The following SENP1 variants were observed in gnomAD, a reference collection of about 807,000 sequenced individuals.
SENP1 encodes the protein sentrin-specific protease 1.
Under a neutral mutation model 93.0 loss-of-function variants are expected in SENP1, and 21 were observed. That is an observed-to-expected ratio of 0.23 (90% confidence interval 0.16 to 0.33). SENP1 has a LOEUF of 0.33. Ranked by LOEUF, SENP1 falls within the 10% of genes least tolerant of loss-of-function variation. The pLI, the probability that SENP1 is intolerant of heterozygous loss-of-function variation, is 1.00. For synonymous variants in SENP1, 256 were observed against 259.6 expected (o/e 0.99, Z 0.13); for missense variants, 591 against 758.7 (o/e 0.78, Z 2.60).
chr12:48,076,253 G>T (rs1206819902), intron 6 of SENP1, among the ~76,000 whole-genome samples: 4 of 152,158 alleles, frequency 2.6e-5, no homozygotes, highest in African/African-American at 9.7e-5. Flanking sequence ...GTGATATTTC[G>T]ATATGTGCTG....
chr12:48,059,713 T>C (rs903455395), intron 13 of SENP1, among the ~76,000 whole-genome samples: 2 of 151,158 alleles, frequency 1.3e-5, no homozygotes, highest in African/African-American at 4.8e-5. Context: ...TTAAACATTG[T>C]TGGCTTTTCT....
In SENP1 at chr12:48,083,627, C is replaced by A; in HGVS notation, c.516G>T (p.Lys172Asn). 1 of 1,613,744 alleles carries A rather than the reference C, an allele frequency of 6.2e-7. No homozygotes were observed. The highest frequency in any genetic ancestry group is 8.5e-7 in the Non-Finnish European group (1 of 1,179,810). The part of the protein sequence containing the change: ...GSCRRSLLSP[K>N]KTQRRHVSTA... The stretch of plus-strand genomic sequence containing the variant: ...TACTAACATGTCGCCTCTGAGTTTT[C>A]TTGGGGCTCAAAAGACTTCGACGAC... The change falls in exon 6 of 18, where the codon AAG (lysine) becomes AAT (asparagine). Residue 172 changes from lysine (K) to asparagine (N), a missense_variant. Coordinates refer to ENST00000549518, the MANE Select transcript of SENP1 (RefSeq NM_001267594.2).
intron 2 of SENP1, among the ~76,000 whole-genome samples, chr12:48,100,639 GAA>G (rs1945859010): frequency 7.2e-6 from 1 of 138,054 alleles, no homozygotes; most frequent in Admixed American, 7.2e-5. Context: ...CGTCTCAAAA[GAA>G]AAAAGAGAAA....
rs1484399778 is a variant in SENP1, at chr12:48,071,862, G to A, written c.941-141C>T. On this transcript the variant is annotated intron_variant, in intron 8 of 17. Transcript: ENST00000549518. The stretch of plus-strand genomic sequence containing the variant: ...AAGAACAAAGGTTAGATGGGAGAGA[G>A]AGAGAGGCAAGTCCATTGTCACTGA... 5.4e-6 allele frequency: 3 copies of A among 552,274 alleles called. No homozygotes were observed. In the African/African-American group the frequency reaches 5.7e-5, roughly 11 times the overall value. 34.2% of individuals were successfully genotyped at this position (552,274 alleles called of 1,614,324 possible).
At chr12:48,046,531 T>C (rs1259997800) in intron 16 of SENP1, 80 bp from the exon 17 acceptor site, 3 of 1,004,604 alleles carry the variant, frequency 3.0e-6, no homozygotes, top group Admixed American at 3.5e-5. Flanking sequence ...CCAAAAGATA[T>C]AAATTGTACA....
chr12:48,089,215 A>G lies in SENP1; in HGVS notation c.221-255T>C, dbSNP rs1216792285. 3 of 1,477,868 alleles carry G rather than the reference A, an allele frequency of 2.0e-6. No homozygotes were observed. The South Asian group carries it at 3.4e-5, about 17-fold the overall frequency. The allele number at this position is 1,477,868 out of a possible 1,614,324, so 91.5% of individuals were successfully genotyped here. A position where few individuals can be genotyped will look rare whatever the true frequency, so the allele number is the denominator to read the frequency against. On this transcript the variant is annotated intron_variant, in intron 4 of 17. Coordinates refer to ENST00000549518, the MANE Select transcript of SENP1 (RefSeq NM_001267594.2). The stretch of plus-strand genomic sequence containing the variant: ...TGCCACAGCCATGTGCCTTATCTGC[A>G]TCAATGTGACTCCGTGGTGTCCACC...
chr12:48,079,200 C>CTGAA (rs1246632064), intron 6 of SENP1, among the ~76,000 whole-genome samples: 1 of 151,574 alleles, frequency 6.6e-6, no homozygotes, highest in Non-Finnish European at 1.5e-5. Flanking sequence ...CTGTTCTTTA[C>CTGAA]TGAATAAGAA....
At chr12:48,063,355 C>A (rs572892700) in intron 13 of SENP1, among the ~76,000 whole-genome samples, 1 of 152,226 alleles carries the variant, frequency 6.6e-6, no homozygotes, top group East Asian at 1.9e-4. Context: ...CCACAGTATT[C>A]CCTCATGCTG....
At chr12:48,061,192 A>C (rs1374833570) in intron 13 of SENP1, among the ~76,000 whole-genome samples, 2 of 152,172 alleles carry the variant, frequency 1.3e-5, no homozygotes, top group Non-Finnish European at 2.9e-5. Flanking sequence ...TAACTCTGAA[A>C]GCCTACAAAG....
At chr12:48,096,452 TA>T in intron 3 of SENP1, 25 bp from the exon 4 acceptor site, 1 of 1,505,178 alleles carries the variant, frequency 6.6e-7, no homozygotes, top group Non-Finnish European at 9.1e-7. Context: ...AGATTTTTCT[TA>T]AGTCACATTT....
rs10564674 is a variant in SENP1, at chr12:48,069,152, C to CAAAA, written c.996-2191_996-2188dup. 5.7e-3 allele frequency among the ~76,000 whole-genome samples: 438 copies of CAAAA among 76,358 alleles called. 2 individuals carry two copies. The highest frequency in any genetic ancestry group is 0.011 in the African/African-American group (190 of 17,734). 50.1% of individuals were successfully genotyped at this position (76,358 alleles called of 152,430 possible). A position where few individuals can be genotyped will look rare whatever the true frequency, so the allele number is the denominator to read the frequency against. ...TGGATGATAGAGCAAGACTCTGTCACAAAAAAAAAAAAAAAAAAAAAAAAA... is the reference window on the plus strand; with the variant it reads ...TGGATGATAGAGCAAGACTCTGTCACAAAAAAAAAAAAAAAAAAAAAAAAAAAAA... On this transcript the variant is annotated intron_variant, in intron 9 of 17. Transcript: ENST00000549518.
In SENP1 at chr12:48,074,523, G is replaced by A; in HGVS notation, c.741C>T (p.Gly247=). The A allele has an allele frequency of 6.2e-7, 1 of 1,613,176 alleles. No individual in the cohort carries two copies. The highest frequency in any genetic ancestry group is 1.1e-5 in the South Asian group (1 of 91,060). The change falls in exon 8 of 18, where the codon GGC becomes GGT. Residue 247 remains glycine (G), a synonymous_variant. Transcript: ENST00000549518. ...CAGATCCAGATGATGAAGTATCAGA[G>A]CCAATGATCTGAGATGCACAAGAGT... ...NGNSCASQII[G]SDTSSSGSAS...
chr12:48,101,429 T>TGA (rs1321946156), intron 2 of SENP1, 40 bp downstream of exon 2: 2 of 1,544,092 alleles, frequency 1.3e-6, no homozygotes, highest in Non-Finnish European at 1.8e-6. Flanking sequence ...GCTTAACCAA[T>TGA]GAAAGTAGCT....
intron 12 of SENP1, among the ~76,000 whole-genome samples, chr12:48,064,682 TG>T (rs1459395528): frequency 3.9e-5 from 6 of 152,060 alleles, no homozygotes; most frequent in African/African-American, 1.4e-4. Flanking sequence ...GCTTTTTGTG[TG>T]TGTGTGTATG....
chr12:48,046,255 A>G, intron 17 of SENP1, 101 bp downstream of exon 17: 1 of 735,476 alleles, frequency 1.4e-6, no homozygotes, highest in Non-Finnish European at 2.4e-6. Flanking sequence ...GCTAAAGGTT[A>G]GGGTAGAGGC....
rs555907100 is a variant in SENP1 at position 48,086,837 on chromosome 12, G to A, written c.380+1964C>T. On this transcript the variant is annotated intron_variant, in intron 5 of 17. Coordinates refer to ENST00000549518, the MANE Select transcript of SENP1 (RefSeq NM_001267594.2). ...AGGCAGATCACAAGGTCTGGAGTTC[G>A]AGACTAGCCTTGCTAATATGGCGAA... Among the ~76,000 whole-genome samples, 171 of 152,252 alleles carry A rather than the reference G, an allele frequency of 1.1e-3. 1 individual carries two copies. The Middle Eastern group carries it at 0.017, about 15-fold the overall frequency.
At position 48,068,862 on chromosome 12, in the gene SENP1, C is replaced by T. The variant is rs369110933; in HGVS notation, c.996-1897G>A. ...AACACCTGGATGAGATTTTGAAAAG[C>T]AAAATTAAGGCCAGGCACAGTGGCT... On this transcript the variant is annotated intron_variant, in intron 9 of 17. Coordinates refer to ENST00000549518, the MANE Select transcript of SENP1 (RefSeq NM_001267594.2). Among the ~76,000 whole-genome samples, 37 of 151,846 alleles carry T rather than the reference C, an allele frequency of 2.4e-4. No homozygotes were observed. The South Asian group carries it at 7.5e-3, about 31-fold the overall frequency.
intron 12 of SENP1, among the ~76,000 whole-genome samples, chr12:48,064,435 A>T (rs1015385566): frequency 2.6e-5 from 4 of 152,182 alleles, no homozygotes; most frequent in African/African-American, 9.7e-5. Context: ...TTTATTACTT[A>T]AAAAAAGAGC....
intron 17 of SENP1, 128 bp from the exon 18 acceptor site, chr12:48,045,512 T>C: frequency 2.9e-6 from 2 of 695,808 alleles, no homozygotes; most frequent in Non-Finnish European, 4.9e-6. Flanking sequence ...GTCTTTTAAA[T>C]TATTCATTCT....
Sources: gnomAD v4.1 joint callset for allele counts (sites outside exome capture counted in the v4.1 genomes callset) on GRCh38, gnomAD v4.1.1 for gene constraint, MANE v1.5 for transcripts, NCBI Gene and HGNC (gene_info 2026-07-23, HGNC 2026-07-21) for gene names.